Variants in PIAS2 observed in about 807,000 individuals in gnomAD.
PIAS2 encodes the protein E3 SUMO-protein ligase PIAS2.
In PIAS2, 19 loss-of-function variants were observed where a neutral mutation model predicts 69.7. That is an observed-to-expected ratio of 0.27 (90% CI 0.19 to 0.40). The LOEUF (loss-of-function observed/expected upper bound fraction) is 0.40, where lower values mean the gene tolerates loss of function less well. Ranked by LOEUF, PIAS2 falls within the 10% of genes least tolerant of loss-of-function variation. The pLI, the probability that PIAS2 is intolerant of heterozygous loss-of-function variation, is 1.00. For missense variants in PIAS2, 624 were observed against 757.0 expected (o/e 0.82, Z 2.06); for synonymous variants, 261 against 263.2 (o/e 0.99, Z 0.08).
intron 2 of PIAS2, among the ~76,000 whole-genome samples, chr18:46,869,465 G>A (rs1448025110): frequency 6.6e-6 from 1 of 152,068 alleles, no homozygotes; most frequent in East Asian, 1.9e-4. Flanking sequence ...GGGAAGGCAA[G>A]AAATCTCTAA....
rs565772942 is a variant in PIAS2 at position 46,886,210 on chromosome 18, TTCCTGAGGGGCC to T, written c.499+4358_499+4369del. Among the ~76,000 whole-genome samples, 516 of 152,206 alleles carry T rather than the reference TTCCTGAGGGGCC, an allele frequency of 3.4e-3. 1 individual carries two copies. Among genetic ancestry groups the T allele is most frequent in the Middle Eastern group, 0.01 (3 of 294 alleles). ...CCTCTCTGTCCTGTGCTTAGCCACA[TTCCTGAGGGGCC>T]TCATGAAGCAGGGCTACCCAAGCCA... On this transcript the variant is annotated intron_variant, in intron 2 of 13. Coordinates refer to ENST00000585916, the MANE Select transcript of PIAS2 (RefSeq NM_004671.5).
chr18:46,813,920 ACT>A (rs2041238873), intron 13 of PIAS2, among the ~76,000 whole-genome samples: 1 of 152,000 alleles, frequency 6.6e-6, no homozygotes, highest in Admixed American at 6.6e-5. Context: ...CAGTATTAAA[ACT>A]CTTTTCTAAA....
Position 46,836,451 on chromosome 18 carries a change from C to T in PIAS2, c.1108G>A (p.Ala370Thr). 1.9e-6 allele frequency: 3 copies of T among 1,613,658 alleles called. No homozygotes were observed. The highest frequency in any genetic ancestry group is 1.7e-6 in the Non-Finnish European group (2 of 1,179,622). Reference protein sequence around the residue: ...VTCTHLQCFDAALYLQMNEKK... With the variant: ...VTCTHLQCFDTALYLQMNEKK... Reference sequence around the variant, plus strand: ...TCATTCATTTGTAGATAGAGGGCAGCATCAAAACACTGCAGATGTGTACAA... The same window carrying T: ...TCATTCATTTGTAGATAGAGGGCAGTATCAAAACACTGCAGATGTGTACAA... The change falls in exon 9 of 14, where the codon GCT becomes ACT. Residue 370 changes from alanine to threonine, a missense_variant. Around this residue, in one of 3 missense-constraint regions of PIAS2, gnomAD observed 44 missense variants for 90.9 expected, o/e 0.48. Coordinates refer to ENST00000585916, the MANE Select transcript of PIAS2 (RefSeq NM_004671.5).
Position 46,917,487 on chromosome 18 carries a change from C to T in PIAS2, c.-142G>A, listed in dbSNP as rs1375140774. The T allele has an allele frequency of 8.3e-7, 1 of 1,202,070 alleles. No individual in the cohort carries two copies. The highest frequency in any genetic ancestry group is 1.6e-5 in the African/African-American group (1 of 62,336). The allele number at this position is 1,202,070 out of a possible 1,614,324, so 74.5% of individuals were successfully genotyped here. The stretch of plus-strand genomic sequence containing the variant: ...GCTTAAGACGCCGCGGCCGCCGCCG[C>T]TACAGCCGGGCCCGTCACGTGAACG... On this transcript the variant is annotated 5_prime_UTR_variant, in exon 1 of 14. Transcript: ENST00000585916.
chr18:46,889,636 A>C (rs2145971401), intron 2 of PIAS2, among the ~76,000 whole-genome samples: 1 of 152,348 alleles, frequency 6.6e-6, no homozygotes, highest in Non-Finnish European at 1.5e-5. Flanking sequence ...AAGGGAATGT[A>C]AAATGCAGCT....
chr18:46,839,684 G>A (rs2045018981), intron 8 of PIAS2, among the ~76,000 whole-genome samples: 1 of 151,986 alleles, frequency 6.6e-6, no homozygotes, highest in Non-Finnish European at 1.5e-5. Context: ...AGCCAACATG[G>A]TGAAACCCAA....
rs527454990 is a variant in PIAS2, at chr18:46,903,112, T to TA, written c.25-12059_25-12058insT. Among the ~76,000 whole-genome samples, 18 of 152,312 alleles carry TA rather than the reference T, an allele frequency of 1.2e-4. No individual in the cohort carries two copies. In the South Asian group the frequency reaches 3.1e-3, roughly 26 times the overall value. ...AAAAATAAAACTGTAAAACTTTTTTTTAATAAGCAGGAAAATATTTGGGAT... is the reference window on the plus strand; with the variant it reads ...AAAAATAAAACTGTAAAACTTTTTTTATAATAAGCAGGAAAATATTTGGGAT... On this transcript the variant is annotated intron_variant, in intron 1 of 13. Transcript: ENST00000585916.
chr18:46,848,927 A>C (rs1467842048), intron 5 of PIAS2, among the ~76,000 whole-genome samples: 1 of 152,126 alleles, frequency 6.6e-6, no homozygotes, highest in African/African-American at 2.4e-5. Context: ...ATGAGCATCA[A>C]GCACAAGGAG....
chr18:46,856,705 A>G (rs2047894486), intron 3 of PIAS2, among the ~76,000 whole-genome samples: 1 of 152,182 alleles, frequency 6.6e-6, no homozygotes, highest in Non-Finnish European at 1.5e-5. Context: ...ATGTATACAC[A>G]TTACAGTTTT....
intron 2 of PIAS2, among the ~76,000 whole-genome samples, chr18:46,889,909 G>T (rs1033410314): frequency 3.3e-5 from 5 of 152,202 alleles, no homozygotes; most frequent in Admixed American, 2.0e-4. Flanking sequence ...AATAATTAAG[G>T]TTGTTGCCTC....
At position 46,844,852 on chromosome 18, in the gene PIAS2, A is replaced by C. The variant is rs2045943844; in HGVS notation, c.862-13T>G. 1 of 1,103,514 alleles carries C rather than the reference A, an allele frequency of 9.1e-7. No homozygotes were observed. The highest frequency in any genetic ancestry group is 1.6e-5 in the African/African-American group (1 of 60,944). The allele number at this position is 1,103,514 out of a possible 1,614,324, so 68.4% of individuals were successfully genotyped here. A position where few individuals can be genotyped will look rare whatever the true frequency, so the allele number is the denominator to read the frequency against. On this transcript the variant is annotated splice_polypyrimidine_tract_variant and intron_variant, in intron 6 of 13. Coordinates refer to ENST00000585916, the MANE Select transcript of PIAS2 (RefSeq NM_004671.5). ...ACATAGAGTAATTCTACAAACAAACAAAAAAAACCTGCATTAAAGATGAGA... is the reference window on the plus strand; with the variant it reads ...ACATAGAGTAATTCTACAAACAAACCAAAAAAACCTGCATTAAAGATGAGA...
chr18:46,880,950 C>T (rs940051999), intron 2 of PIAS2, among the ~76,000 whole-genome samples: 4 of 152,168 alleles, frequency 2.6e-5, no homozygotes, highest in African/African-American at 7.2e-5. Context: ...CAAAGTTTTT[C>T]TAATTTAATC....
At position 46,891,561 on chromosome 18, in the gene PIAS2, A is replaced by AT. The variant is rs548934145; in HGVS notation, c.25-508dup. The AT allele has an allele frequency of 8.5e-5, 34 of 399,312 alleles. No individual in the cohort carries two copies. In the East Asian group the frequency reaches 4.5e-3, roughly 53 times the overall value. 24.7% of individuals were successfully genotyped at this position (399,312 alleles called of 1,614,324 possible). A position where few individuals can be genotyped will look rare whatever the true frequency, so the allele number is the denominator to read the frequency against. Reference sequence around the variant, plus strand: ...AGAACTGTGATCCAAAATGCAATGAATTTTTTACCCCAATTCAAACATTAA... The same window carrying AT: ...AGAACTGTGATCCAAAATGCAATGAATTTTTTTACCCCAATTCAAACATTAA... On this transcript the variant is annotated intron_variant, in intron 1 of 13. Transcript: ENST00000585916.
intron 8 of PIAS2, among the ~76,000 whole-genome samples, chr18:46,843,081 TAC>T (rs2045657723): frequency 6.6e-6 from 1 of 152,174 alleles, no homozygotes; most frequent in Non-Finnish European, 1.5e-5. Flanking sequence ...ATCAGAACAC[TAC>T]AATCTTTATC....
At chr18:46,855,322 C>G in intron 5 of PIAS2, 23 bp downstream of exon 5, 2 of 1,457,388 alleles carry the variant, frequency 1.4e-6, no homozygotes, top group Non-Finnish European at 1.9e-6. Flanking sequence ...ATATGCAAAT[C>G]TGGTGAATAA....
chr18:46,902,858 G>A (rs1263545185), intron 1 of PIAS2, among the ~76,000 whole-genome samples: 1 of 152,158 alleles, frequency 6.6e-6, no homozygotes, highest in Non-Finnish European at 1.5e-5. Flanking sequence ...ATTAGTGGAA[G>A]GGTAGACACA....
At position 46,890,628 on chromosome 18, in the gene PIAS2, G is replaced by T. The variant is rs200201594; in HGVS notation, c.451C>A (p.Leu151Met). 15 of 1,614,034 alleles carry T rather than the reference G, an allele frequency of 9.3e-6. No homozygotes were observed. Among genetic ancestry groups the T allele is most frequent in the Non-Finnish European group, 1.3e-5 (15 of 1,180,000 alleles). Residue 151 changes from leucine to methionine, a missense_variant, in exon 2 of 14, where the codon CTG becomes ATG. Leu to Met is a conservative substitution (Grantham distance 15, BLOSUM62 2). Around this residue, in one of 3 missense-constraint regions of PIAS2, gnomAD observed 339 missense variants for 408.8 expected, o/e 0.83. Transcript: ENST00000585916. ...PVHPDVQLKN[L>M]PFYDVLDVLI... The stretch of plus-strand genomic sequence containing the variant: ...ACATCAAGGACATCATAAAAGGGCA[G>T]ATTTTTTAACTGCACATCAGGATGG...
chr18:46,839,680 C>T (rs904251194), intron 8 of PIAS2, among the ~76,000 whole-genome samples: 2 of 152,002 alleles, frequency 1.3e-5, no homozygotes, highest in African/African-American at 4.8e-5. Context: ...GCCCAGCCAA[C>T]ATGGTGAAAC....
At chr18:46,856,594 C>T (rs2047874602) in intron 3 of PIAS2, among the ~76,000 whole-genome samples, 3 of 152,210 alleles carry the variant, frequency 2.0e-5, no homozygotes, top group African/African-American at 7.2e-5. Flanking sequence ...TACGGGGAAG[C>T]AGCACTTATT....
Sources: gnomAD v4.1 joint callset for allele counts (sites outside exome capture counted in the v4.1 genomes callset) on GRCh38, gnomAD v4.1.1 for gene constraint, gnomAD v4.1.1 regional missense constraint, MANE v1.5 for transcripts, NCBI Gene and HGNC (gene_info 2026-07-23, HGNC 2026-07-21) for gene names.